Variants in TENT2 observed in about 807,000 individuals in gnomAD.
TENT2 encodes terminal nucleotidyltransferase 2.
In TENT2, 44 loss-of-function variants were observed where a neutral mutation model predicts 72.2. That is an observed-to-expected ratio of 0.61 (90% CI 0.48 to 0.78). The LOEUF is 0.78. TENT2 is among the 30% of genes least tolerant of loss of function. The pLI, the probability that TENT2 is intolerant of heterozygous loss-of-function variation, is 0.00. For synonymous variants in TENT2, 212 were observed against 192.5 expected (o/e 1.10, Z -0.84); for missense variants, 541 against 569.6 (o/e 0.95, Z 0.51).
chr5:79,682,584 C>T (rs778766219), intron 14 of TENT2, among the ~76,000 whole-genome samples: 21 of 151,864 alleles, frequency 1.4e-4, no homozygotes, highest in Non-Finnish European at 2.6e-4. Flanking sequence ...CATGCCCTAC[C>T]GAAATAAGCA....
At chr5:79,657,122 A>G (rs1798511484) in intron 11 of TENT2, 121 bp downstream of exon 11, 2 of 596,806 alleles carry the variant, frequency 3.4e-6, no homozygotes, top group Non-Finnish European at 2.8e-6. Flanking sequence ...CATTTTCTAT[A>G]TATACCAAGA....
intron 1 of TENT2, 129 bp from the exon 2 acceptor site, chr5:79,619,483 C>A (rs1561449052): frequency 1.7e-6 from 1 of 580,186 alleles, no homozygotes. Flanking sequence ...CTTAGGAGAC[C>A]TATTTAACTT....
chr5:79,681,246 A>G (rs181257776), intron 13 of TENT2, among the ~76,000 whole-genome samples: 1,706 of 124,026 alleles, frequency 0.014, 44 homozygotes, highest in African/African-American at 0.049. Context: ...TGCAACCTCT[A>G]CCTCCCAGGT....
At chr5:79,671,174 C>T (rs1462504950) in intron 12 of TENT2, among the ~76,000 whole-genome samples, 1 of 151,990 alleles carries the variant, frequency 6.6e-6, no homozygotes, top group African/African-American at 2.4e-5. Flanking sequence ...AACTAGTCTG[C>T]TGGGTCAGAT....
chr5:79,670,524 C>G (rs1319996560), intron 12 of TENT2, among the ~76,000 whole-genome samples: 1 of 151,676 alleles, frequency 6.6e-6, no homozygotes, highest in East Asian at 2.0e-4. Flanking sequence ...GGGGTTTCAT[C>G]ATATGGGCCA....
intron 1 of TENT2, among the ~76,000 whole-genome samples, chr5:79,617,187 A>C (rs1760923941): frequency 6.6e-6 from 1 of 151,434 alleles, no homozygotes; most frequent in Non-Finnish European, 1.5e-5. Context: ...ATTTTTACTG[A>C]AAATGAGAAT....
At chr5:79,656,816 A>C (rs1798300776) in intron 10 of TENT2, 142 bp from the exon 11 acceptor site, 1 of 552,410 alleles carries the variant, frequency 1.8e-6, no homozygotes, top group Non-Finnish European at 3.2e-6. Flanking sequence ...AGGGATAAGA[A>C]TTAATTTCAT....
At chr5:79,665,334 A>G (rs1038042593) in intron 11 of TENT2, among the ~76,000 whole-genome samples, 1 of 152,204 alleles carries the variant, frequency 6.6e-6, no homozygotes, top group Non-Finnish European at 1.5e-5. Context: ...CATCATTTAA[A>G]GAACGGTTTT....
intron 11 of TENT2, among the ~76,000 whole-genome samples, chr5:79,666,667 T>C (rs1184064435): frequency 1.4e-5 from 2 of 144,012 alleles, no homozygotes; most frequent in Non-Finnish European, 3.0e-5. Flanking sequence ...TAATGTGTTT[T>C]ATTTGATAAT....
chr5:79,619,659 A>G lies in TENT2; in HGVS notation c.11A>G (p.Asn4Ser). The G allele has an allele frequency of 6.2e-7, 1 of 1,613,464 alleles. No homozygotes were observed. Among genetic ancestry groups the G allele is most frequent in the Non-Finnish European group, 8.5e-7 (1 of 1,179,700 alleles). ...CCAGTGAACAAGAGCATGTTCCCAA[A>G]CTCAATTTTGGGTCGCCCACCCTTC... MFP[N>S]SILGRPPFTP... is the part of the protein sequence containing the mutation. The change falls in exon 2 of 15, where the codon AAC becomes AGC. Residue 4 changes from asparagine (N) to serine (S), a missense_variant. By Grantham distance (46) the Asn-to-Ser change is conservative. Transcript: ENST00000453514.
At chr5:79,678,791 CAAG>C (rs1232786428) in intron 12 of TENT2, among the ~76,000 whole-genome samples, 2 of 152,080 alleles carry the variant, frequency 1.3e-5, no homozygotes, top group Non-Finnish European at 2.9e-5. Context: ...TTTAATAACA[CAAG>C]AAGATAACAC....
At chr5:79,638,159 T>TCCCA (rs1000811792) in intron 4 of TENT2, among the ~76,000 whole-genome samples, 3 of 152,152 alleles carry the variant, frequency 2.0e-5, no homozygotes, top group African/African-American at 7.2e-5. Context: ...TTTTTTCCTT[T>TCCCA]CCCACTTTTA....
chr5:79,636,167 G>T (rs1780000213), intron 4 of TENT2, among the ~76,000 whole-genome samples: 2 of 152,032 alleles, frequency 1.3e-5, no homozygotes, highest in African/African-American at 4.8e-5. Flanking sequence ...ACTTTTACTG[G>T]AGATCTTTTT....
intron 1 of TENT2, among the ~76,000 whole-genome samples, chr5:79,618,720 A>G (rs1042090357): frequency 7.2e-5 from 11 of 152,142 alleles, no homozygotes; most frequent in Admixed American, 4.6e-4. Flanking sequence ...TAGAAACTCT[A>G]AAAGTATGTG....
intron 8 of TENT2, 80 bp from the exon 9 acceptor site, chr5:79,648,537 G>C (rs1385913147): frequency 2.1e-6 from 2 of 934,218 alleles, no homozygotes; most frequent in Admixed American, 2.8e-5. Context: ...GGATGGATGA[G>C]CATTAATTTA....
chr5:79,682,732 A>AC (rs1175807792), intron 14 of TENT2, among the ~76,000 whole-genome samples: 1 of 152,052 alleles, frequency 6.6e-6, no homozygotes, highest in Non-Finnish European at 1.5e-5. Context: ...TCTAATGTAT[A>AC]CCCCACTGTC....
intron 7 of TENT2, among the ~76,000 whole-genome samples, chr5:79,644,170 C>T (rs1185907028): frequency 1.3e-5 from 2 of 151,846 alleles, no homozygotes; most frequent in South Asian, 2.1e-4. Flanking sequence ...TTAGTAGAGA[C>T]AGGGTTTCGC....
At chr5:79,665,488 T>C (rs1025498361) in intron 11 of TENT2, among the ~76,000 whole-genome samples, 18 of 152,230 alleles carry the variant, frequency 1.2e-4, no homozygotes, top group African/African-American at 4.3e-4. Flanking sequence ...GCCATTATTA[T>C]AGACAGTTCT....
At chr5:79,616,020 C>T (rs1243286792) in intron 1 of TENT2, among the ~76,000 whole-genome samples, 1 of 151,828 alleles carries the variant, frequency 6.6e-6, no homozygotes, top group Non-Finnish European at 1.5e-5. Flanking sequence ...TCCCAAGTAG[C>T]TGGGATTACA....
Sources: allele counts gnomAD v4.1 joint callset (sites outside exome capture counted in the v4.1 genomes callset), GRCh38; gene constraint gnomAD v4.1.1; transcripts MANE v1.5; gene names NCBI Gene and HGNC (gene_info 2026-07-23, HGNC 2026-07-21).